The following SSX2IP variants were observed in gnomAD, a reference collection of about 807,000 sequenced individuals.
The protein encoded by SSX2IP is afadin- and alpha-actinin-binding protein.
A neutral mutation model predicts 84.9 loss-of-function variants in SSX2IP; 55 were observed. The observed-to-expected ratio is 0.65, with a 90% CI of 0.52 to 0.81. SSX2IP has a LOEUF of 0.81. SSX2IP is among the 30% of genes least tolerant of loss of function. The pLI, the probability that SSX2IP is intolerant of heterozygous loss-of-function variation, is 0.00. For missense variants in SSX2IP, 664 were observed against 705.2 expected, an observed-to-expected ratio of 0.94 and a Z score of 0.66; for synonymous variants, 239 against 234.7, an observed-to-expected ratio of 1.02 and a Z score of -0.17.
intron 1 of SSX2IP, among the ~76,000 whole-genome samples, chr1:84,682,377 A>G (rs1282623654): frequency 2.0e-5 from 3 of 152,202 alleles, no homozygotes; most frequent in Non-Finnish European, 4.4e-5. Context: ...TTGGGTTTCA[A>G]TTATGAAGTC....
Position 84,664,529 on chromosome 1 carries a change from A to G in SSX2IP, c.561T>C (p.Ile187=). The change falls in exon 6 of 14, where the codon ATT becomes ATC. Residue 187 remains isoleucine, a synonymous_variant. Coordinates refer to ENST00000342203, the MANE Select transcript of SSX2IP (RefSeq NM_001166293.2). ...KDEVQKLQNI[I]ASRATQYNHD... ...GATTATACTGAGTAGCTCGACTTGC[A>G]ATGATATTTTGTAATTTTTGCACCT... is the stretch of plus-strand genomic sequence containing the variant. 6.3e-7 allele frequency: 1 copy of G among 1,577,620 alleles called. No homozygotes were observed. Among genetic ancestry groups the G allele is most frequent in the Admixed American group, 1.9e-5 (1 of 52,646 alleles).
At chr1:84,650,849 G>A (rs563523262) in intron 12 of SSX2IP, among the ~76,000 whole-genome samples, 1 of 151,840 alleles carries the variant, frequency 6.6e-6, no homozygotes, top group East Asian at 2.0e-4. Flanking sequence ...GGACTACAGG[G>A]GCCCGCCACC....
chr1:84,650,519 A>G lies in SSX2IP; in HGVS notation c.1513T>C (p.Trp505Arg), dbSNP rs563405617. Reference protein sequence around the residue: ...LFSAFSGSSDWDNLIVHSRQP... With the variant: ...LFSAFSGSSDRDNLIVHSRQP... ...CTCGAGTGCACTATAAGATTGTCCC[A>G]ATCAGAACCTGTTGTAAAACAAGTA... The change falls in exon 13 of 14, where the codon TGG (tryptophan) becomes CGG (arginine). Residue 505 changes from tryptophan (W) to arginine (R), a missense_variant. Coordinates refer to ENST00000342203, the MANE Select transcript of SSX2IP (RefSeq NM_001166293.2). 5.0e-6 allele frequency: 8 copies of G among 1,614,178 alleles called. No homozygotes were observed. The highest frequency in any genetic ancestry group is 6.8e-6 in the Non-Finnish European group (8 of 1,180,026).
intron 2 of SSX2IP, 77 bp downstream of exon 2, chr1:84,671,100 T>C: frequency 6.6e-7 from 1 of 1,521,344 alleles, no homozygotes. Flanking sequence ...ACATCTGCAG[T>C]AATTATTTTA....
intron 9 of SSX2IP, among the ~76,000 whole-genome samples, chr1:84,657,971 T>C (rs1651372643): frequency 6.6e-6 from 1 of 151,932 alleles, no homozygotes; most frequent in Non-Finnish European, 1.5e-5. Context: ...CCATCTCTAC[T>C]AAAAACACAC....
intron 8 of SSX2IP, 54 bp from the exon 9 acceptor site, chr1:84,658,522 A>G: frequency 6.5e-7 from 1 of 1,549,300 alleles, no homozygotes; most frequent in Admixed American, 2.0e-5. Flanking sequence ...ATGGCTTTAG[A>G]TGCTCAGGCA....
At chr1:84,687,610 A>C (rs1257749397) in intron 1 of SSX2IP, among the ~76,000 whole-genome samples, 1 of 152,234 alleles carries the variant, frequency 6.6e-6, no homozygotes, top group African/African-American at 2.4e-5. Context: ...CTTCAGCAAA[A>C]TATACTTCAA....
At position 84,664,308 on chromosome 1, in the gene SSX2IP, A is replaced by T. The variant is rs953587212; in HGVS notation, c.673+109T>A. The T allele has an allele frequency of 5.3e-6, 6 of 1,141,480 alleles. No individual in the cohort carries two copies. The African/African-American group carries it at 9.7e-5, about 18-fold the overall frequency. 70.7% of individuals were successfully genotyped at this position (1,141,480 alleles called of 1,614,324 possible). A position where few individuals can be genotyped will look rare whatever the true frequency, so the allele number is the denominator to read the frequency against. ...ACACCACTGAAAATCAATTGTATAA[A>T]GCATGAAAATAACATTTCGTGAGTT... On this transcript the variant is annotated intron_variant, in intron 6 of 13. Coordinates refer to ENST00000342203, the MANE Select transcript of SSX2IP (RefSeq NM_001166293.2).
In SSX2IP at chr1:84,645,801, G is replaced by GT. The variant is rs1450662269; in HGVS notation, c.*1631dup. On this transcript the variant is annotated 3_prime_UTR_variant, in exon 14 of 14. Coordinates refer to ENST00000342203, the MANE Select transcript of SSX2IP (RefSeq NM_001166293.2). ...TAGTGTCTTCGATATTTTGTACAAT[G>GT]TGTAGTATTTTAAATAGTAAAGAAG... 1 of 152,118 alleles carries GT rather than the reference G, an allele frequency of 6.6e-6. No individual in the cohort carries two copies. Among genetic ancestry groups the GT allele is most frequent in the Non-Finnish European group, 1.5e-5 (1 of 68,032 alleles). 9.4% of individuals were successfully genotyped at this position (152,118 alleles called of 1,614,324 possible).
chr1:84,679,448 C>T (rs1654789488), intron 1 of SSX2IP, among the ~76,000 whole-genome samples: 2 of 152,162 alleles, frequency 1.3e-5, no homozygotes, highest in South Asian at 2.1e-4. Flanking sequence ...TTTAAATACA[C>T]ATGAATGGTG....
At chr1:84,679,685 T>C (rs1437230164) in intron 1 of SSX2IP, among the ~76,000 whole-genome samples, 1 of 152,210 alleles carries the variant, frequency 6.6e-6, no homozygotes, top group Non-Finnish European at 1.5e-5. Context: ...TGTGGATATT[T>C]AACAGAGTAA....
At chr1:84,679,883 G>C (rs1253824447) in intron 1 of SSX2IP, among the ~76,000 whole-genome samples, 2 of 152,184 alleles carry the variant, frequency 1.3e-5, no homozygotes. Flanking sequence ...CAAGGTCACA[G>C]AGCTAGCAAG....
chr1:84,658,653 GCT>G (rs1257388786), intron 8 of SSX2IP, among the ~76,000 whole-genome samples, 185 bp from the exon 9 acceptor site: 2 of 152,158 alleles, frequency 1.3e-5, no homozygotes, highest in Admixed American at 6.5e-5. Flanking sequence ...CCTAAATTCA[GCT>G]CTCTCTAAAC....
Position 84,669,785 on chromosome 1 carries a change from C to CA in SSX2IP, c.321dup (p.Val108CysfsTer23). On this transcript the variant is annotated frameshift_variant, in exon 4 of 14. Transcript: ENST00000342203. LOFTEE classifies it high-confidence loss of function. ...GCTAGAAGGTTCTTCCGCTGAAGCACAAGCAGCTCATTCATACAATTTAGT... is the reference window on the plus strand; with the variant it reads ...GCTAGAAGGTTCTTCCGCTGAAGCACAAAGCAGCTCATTCATACAATTTAGT... 6.2e-7 allele frequency: 1 copy of CA among 1,613,826 alleles called. No homozygotes were observed.
rs144198135 is a variant in SSX2IP at position 84,674,325 on chromosome 1, G to T, written c.-89-3017C>A. 7.2e-5 allele frequency among the ~76,000 whole-genome samples: 11 copies of T among 152,184 alleles called. No individual in the cohort carries two copies. In the East Asian group the frequency reaches 2.1e-3, roughly 29 times the overall value. On this transcript the variant is annotated intron_variant, in intron 1 of 13. Transcript: ENST00000342203. Reference sequence around the variant, plus strand: ...TATTATCTAGACACAGGGCTATTTGGTATAAATGACAGGCTTCTAAAACCT... The same window carrying T: ...TATTATCTAGACACAGGGCTATTTGTTATAAATGACAGGCTTCTAAAACCT...
chr1:84,657,017 T>C (rs1159523582), intron 9 of SSX2IP, among the ~76,000 whole-genome samples: 3 of 152,198 alleles, frequency 2.0e-5, no homozygotes, highest in African/African-American at 7.2e-5. Flanking sequence ...CAAAATCTCA[T>C]GTAGATTCAT....
In SSX2IP at chr1:84,645,409, C is replaced by T. The variant is rs1244186695; in HGVS notation, c.*2024G>A. The T allele has an allele frequency of 6.6e-6, 1 of 152,154 alleles. No homozygotes were observed. Among genetic ancestry groups the T allele is most frequent in the Admixed American group, 6.6e-5 (1 of 15,266 alleles). The allele number at this position is 152,154 out of a possible 1,614,324, so 9.4% of individuals were successfully genotyped here. ...TGCAATGAGTCTGGCTTTTACTCTGCTGTTTCTTTCACACTTTAGATTTTA... is the reference window on the plus strand; with the variant it reads ...TGCAATGAGTCTGGCTTTTACTCTGTTGTTTCTTTCACACTTTAGATTTTA... On this transcript the variant is annotated 3_prime_UTR_variant, in exon 14 of 14. Coordinates refer to ENST00000342203, the MANE Select transcript of SSX2IP (RefSeq NM_001166293.2).
chr1:84,670,962 T>G (rs1653488135), intron 2 of SSX2IP, 147 bp from the exon 3 acceptor site: 1 of 857,332 alleles, frequency 1.2e-6, no homozygotes, highest in Admixed American at 3.3e-5. Context: ...TATTTTCAAA[T>G]TAGGGCAAAG....
At chr1:84,663,540 A>G (rs1395589077) in intron 6 of SSX2IP, among the ~76,000 whole-genome samples, 1 of 152,242 alleles carries the variant, frequency 6.6e-6, no homozygotes, top group African/African-American at 2.4e-5. Context: ...TTTAAAAAAT[A>G]AAGTATTCAG....
Sources: allele counts gnomAD v4.1 joint callset (sites outside exome capture counted in the v4.1 genomes callset), GRCh38; gene constraint gnomAD v4.1.1; transcripts MANE v1.5; gene names NCBI Gene and HGNC (gene_info 2026-07-23, HGNC 2026-07-21).